TBC1D22A: variants seen among roughly 807,000 people sequenced by gnomAD.
TBC1D22A encodes the protein putative GTPase activator.
TBC1D22A carries 38 observed loss-of-function variants against 60.2 expected under a neutral mutation model. The observed-to-expected ratio is 0.63, with a 90% CI of 0.49 to 0.83. The LOEUF is 0.83. TBC1D22A is among the 40% of genes least tolerant of loss of function. TBC1D22A has a pLI of 0.00. For synonymous variants in TBC1D22A, 302 were observed against 281.7 expected (o/e 1.07, Z -0.72); for missense variants, 628 against 701.0 (o/e 0.90, Z 1.18).
chr22:46,788,942 C>G (rs1053286431), intron 1 of TBC1D22A: 1 of 152,126 alleles, frequency 6.6e-6, no homozygotes, highest in Admixed American at 6.6e-5. Context: ...GAAGGAAGGC[C>G]GGGTGTGGGC....
At chr22:47,122,961 A>G (rs534756860) in intron 12 of TBC1D22A, among the ~76,000 whole-genome samples, 32 of 152,340 alleles carry the variant, frequency 2.1e-4, no homozygotes, top group African/African-American at 7.0e-4. Flanking sequence ...TTAAAGATCA[A>G]TGGCAGCTTT....
At chr22:47,172,273 G>C (rs1356759867) in intron 12 of TBC1D22A, among the ~76,000 whole-genome samples, 2 of 152,234 alleles carry the variant, frequency 1.3e-5, no homozygotes, top group African/African-American at 2.4e-5. Flanking sequence ...CCCAGTGCTG[G>C]CTGTACTGCT....
chr22:47,133,657 C>T (rs1414695535), intron 12 of TBC1D22A, among the ~76,000 whole-genome samples: 2 of 152,096 alleles, frequency 1.3e-5, no homozygotes, highest in South Asian at 2.1e-4. Flanking sequence ...TGGGACTTAC[C>T]GGCGGCTCCT....
chr22:47,042,180 C>G lies in TBC1D22A; in HGVS notation c.1329+4982C>G, dbSNP rs568819961. Among the ~76,000 whole-genome samples the G allele has an allele frequency of 2.1e-4, 32 of 152,382 alleles. No homozygotes were observed. In the Middle Eastern group the frequency reaches 0.01, roughly 49 times the overall value. The stretch of plus-strand genomic sequence containing the variant: ...CACAGTGGCTTCTATTTCTGCCCCC[C>G]CCATGAGGCACTTTGGGCTCCAGGG... On this transcript the variant is annotated intron_variant, in intron 11 of 12. Coordinates refer to ENST00000337137, the MANE Select transcript of TBC1D22A (RefSeq NM_014346.5).
At chr22:46,840,483 C>T (rs1043517360) in intron 4 of TBC1D22A, among the ~76,000 whole-genome samples, 1 of 152,172 alleles carries the variant, frequency 6.6e-6, no homozygotes, top group Non-Finnish European at 1.5e-5. Flanking sequence ...GCCTGTAATC[C>T]CAGCACTTTG....
intron 8 of TBC1D22A, among the ~76,000 whole-genome samples, chr22:46,938,717 C>G (rs1400046542): frequency 6.6e-6 from 1 of 151,894 alleles, no homozygotes; most frequent in Non-Finnish European, 1.5e-5. Context: ...TGCAGGGTAG[C>G]TGGGATTACA....
At chr22:47,017,480 G>A (rs747920810) in intron 10 of TBC1D22A, among the ~76,000 whole-genome samples, 5 of 152,164 alleles carry the variant, frequency 3.3e-5, no homozygotes, top group South Asian at 4.1e-4. Flanking sequence ...TGATGGGGTT[G>A]GCGGCAGAAT....
intron 12 of TBC1D22A, among the ~76,000 whole-genome samples, chr22:47,166,839 G>A (rs1375507432): frequency 6.6e-6 from 1 of 152,206 alleles, no homozygotes; most frequent in East Asian, 1.9e-4. Context: ...AGAGGCCGGG[G>A]TACAGGTGGG....
intron 10 of TBC1D22A, among the ~76,000 whole-genome samples, chr22:47,005,782 TACAC>T (rs926570613): frequency 6.7e-5 from 10 of 149,926 alleles, no homozygotes; most frequent in African/African-American, 2.5e-4. Flanking sequence ...ATATCCAATA[TACAC>T]ACACAGCCTT....
chr22:46,976,429 C>T (rs921367595), intron 9 of TBC1D22A, among the ~76,000 whole-genome samples: 5 of 152,200 alleles, frequency 3.3e-5, no homozygotes, highest in Admixed American at 6.5e-5. Flanking sequence ...GGGGACTTGG[C>T]AGCTCAGCTG....
intron 10 of TBC1D22A, among the ~76,000 whole-genome samples, chr22:47,020,083 CCATT>C (rs2062036228): frequency 6.6e-6 from 1 of 152,164 alleles, no homozygotes; most frequent in African/African-American, 2.4e-5. Flanking sequence ...ATCCATCCAT[CCATT>C]CATGGAAAAC....
In TBC1D22A at chr22:47,156,775, G is replaced by A. The variant is rs565430376; in HGVS notation, c.1426-16723G>A. Among the ~76,000 whole-genome samples, 4 of 152,294 alleles carry A rather than the reference G, an allele frequency of 2.6e-5. No homozygotes were observed. In the East Asian group the frequency reaches 5.8e-4, roughly 22 times the overall value. On this transcript the variant is annotated intron_variant, in intron 12 of 12. Coordinates refer to ENST00000337137, the MANE Select transcript of TBC1D22A (RefSeq NM_014346.5). ...AGTGCACTTGCCTGCGTAGCCATCC[G>A]GCAGCCCTCCCCTTCTCCGGCCCCT...
intron 11 of TBC1D22A, among the ~76,000 whole-genome samples, chr22:47,065,328 T>C (rs765021326): frequency 4.6e-5 from 7 of 152,220 alleles, no homozygotes; most frequent in Non-Finnish European, 8.8e-5. Context: ...ATCTCAATTA[T>C]AAATTAAGGT....
chr22:46,981,089 TA>T (rs1406845623), intron 9 of TBC1D22A, among the ~76,000 whole-genome samples: 7 of 152,348 alleles, frequency 4.6e-5, no homozygotes, highest in African/African-American at 1.7e-4. Context: ...AGCTGTGTAA[TA>T]GCCGTGGAGC....
At chr22:47,137,850 GGGGAGCC>G (rs1398518435) in intron 12 of TBC1D22A, among the ~76,000 whole-genome samples, 2 of 152,008 alleles carry the variant, frequency 1.3e-5, no homozygotes, top group African/African-American at 2.4e-5. Context: ...AGTGGGGAGC[GGGGAGCC>G]GGGAGTGGGG....
intron 11 of TBC1D22A, among the ~76,000 whole-genome samples, chr22:47,051,910 C>T (rs770352522): frequency 4.6e-5 from 7 of 152,262 alleles, no homozygotes; most frequent in Non-Finnish European, 7.3e-5. Flanking sequence ...GAAAGGCGGT[C>T]ACTGTGCGGA....
At chr22:46,962,601 C>T (rs1864879065) in intron 8 of TBC1D22A, among the ~76,000 whole-genome samples, 1 of 152,202 alleles carries the variant, frequency 6.6e-6, no homozygotes, top group African/African-American at 2.4e-5. Flanking sequence ...GAAACGATGC[C>T]AGCGTCCCAC....
rs1453488007 is a variant in TBC1D22A at position 47,042,427 on chromosome 22, A to G, written c.1329+5229A>G. 4.6e-5 allele frequency among the ~76,000 whole-genome samples: 4 copies of G among 87,088 alleles called. No homozygotes were observed. In the East Asian group the frequency reaches 4.7e-3, roughly 102 times the overall value. 57.1% of individuals were successfully genotyped at this position (87,088 alleles called of 152,430 possible). On this transcript the variant is annotated intron_variant, in intron 11 of 12. Transcript: ENST00000337137. The stretch of plus-strand genomic sequence containing the variant: ...GAGAGAGAGAGAGAGAGAGGAAGAG[A>G]GAGGAGAGAGAGAGAGAATATGAAT...
chr22:46,796,363 T>G (rs1398282954), intron 3 of TBC1D22A, among the ~76,000 whole-genome samples: 2 of 152,118 alleles, frequency 1.3e-5, no homozygotes, highest in Admixed American at 6.5e-5. Context: ...GGGTGCTCTG[T>G]GGGAAGGAGG....
Sources: allele counts gnomAD v4.1 joint callset (sites outside exome capture counted in the v4.1 genomes callset), GRCh38; gene constraint gnomAD v4.1.1; transcripts MANE v1.5; gene names NCBI Gene and HGNC (gene_info 2026-07-23, HGNC 2026-07-21).